Variants in NRL observed in about 807,000 individuals in gnomAD.
NRL encodes the protein neural retina leucine zipper, also known as neural retina-specific leucine zipper protein.
A neutral mutation model predicts 12.5 loss-of-function variants in NRL; 16 were observed. The ratio of observed to expected loss-of-function variants is 1.28; its 90% confidence interval spans 0.87 to 1.95. NRL has a LOEUF of 1.95. Ranked by LOEUF, NRL falls within the 30% of genes most tolerant of loss-of-function variation. NRL has a pLI of 0.00. For missense variants in NRL, 314 were observed against 325.8 expected (o/e 0.96, Z 0.28); for synonymous variants, 142 against 150.9 (o/e 0.94, Z 0.43).
chr14:24,102,293 G>A (rs966870386), intron 1 of NRL, among the ~76,000 whole-genome samples: 6 of 152,174 alleles, frequency 3.9e-5, no homozygotes, highest in Non-Finnish European at 7.3e-5. Flanking sequence ...TGTCTTCCCC[G>A]GTTTGCTGAC....
intron 1 of NRL, among the ~76,000 whole-genome samples, chr14:24,106,432 T>C (rs2037339663): frequency 6.6e-6 from 1 of 152,156 alleles, no homozygotes; most frequent in African/African-American, 2.4e-5. Flanking sequence ...CAGTGGAGTA[T>C]ATTGTACTTT....
chr14:24,098,731 G>T (rs950736644), intron 1 of NRL: 1 of 1,488,072 alleles, frequency 6.7e-7, no homozygotes, highest in Non-Finnish European at 9.3e-7. Context: ...TGTACTCAGA[G>T]GAAATCCCAA....
chr14:24,102,955 C>T (rs2037225148), intron 1 of NRL: 2 of 1,495,160 alleles, frequency 1.3e-6, no homozygotes, highest in Non-Finnish European at 1.8e-6. Context: ...GCCTACCTCC[C>T]TCCCTCTGAT....
intron 1 of NRL, among the ~76,000 whole-genome samples, chr14:24,101,346 G>A (rs1382648834): frequency 6.6e-6 from 1 of 152,204 alleles, no homozygotes; most frequent in African/African-American, 2.4e-5. Flanking sequence ...GGATGGGAGA[G>A]GGTGGGGATT....
intron 1 of NRL, among the ~76,000 whole-genome samples, chr14:24,092,767 T>C (rs1367450430): frequency 6.6e-6 from 1 of 152,192 alleles, no homozygotes; most frequent in African/African-American, 2.4e-5. Flanking sequence ...ACTGTTTCTG[T>C]TGCAAGTGGC....
At chr14:24,089,059 C>T (rs562844669) in intron 1 of NRL, among the ~76,000 whole-genome samples, 125 of 152,162 alleles carry the variant, frequency 8.2e-4, no homozygotes, top group Non-Finnish European at 1.3e-3. Context: ...CCGCCTCGGC[C>T]TCCCAAAGTG....
chr14:24,091,568 A>G (rs576660069), intron 1 of NRL, among the ~76,000 whole-genome samples: 1 of 152,298 alleles, frequency 6.6e-6, no homozygotes, highest in South Asian at 2.1e-4. Context: ...TAAGAGTGAT[A>G]TGATCTAATT....
At position 24,081,906 on chromosome 14, in the gene NRL, A is replaced by T; in HGVS notation, c.382-338T>A. 1 of 1,302,418 alleles carries T rather than the reference A, an allele frequency of 7.7e-7. No homozygotes were observed. The highest frequency in any genetic ancestry group is 9.8e-7 in the Non-Finnish European group (1 of 1,016,958). 80.7% of individuals were successfully genotyped at this position (1,302,418 alleles called of 1,614,324 possible). On this transcript the variant is annotated intron_variant, in intron 2 of 2. Coordinates refer to ENST00000561028, the MANE Select transcript of NRL (RefSeq NM_001354768.3). The surrounding 1 kb of genome is among the most constrained non-coding windows in gnomAD (Gnocchi z 4.4). ...GCCCGGGTGTGTCCAGTGGACCCGC[A>T]CCCAGACAGCCCCCAACCCTCCAAC...
chr14:24,103,211 GCAGCGCCATGCGCTCT>G (rs752617436), intron 1 of NRL: 2 of 1,614,128 alleles, frequency 1.2e-6, no homozygotes, highest in East Asian at 4.5e-5. Flanking sequence ...GTGTTTGTGG[GCAGCGCCATGCGCTCT>G]GAGTCCACTG....
intron 1 of NRL, chr14:24,098,824 G>A (rs1441422735): frequency 7.9e-6 from 6 of 759,950 alleles, no homozygotes; most frequent in Non-Finnish European, 1.3e-5. Flanking sequence ...CCCAGCAGAG[G>A]GATAAGGCTG....
In NRL at chr14:24,094,254, G is replaced by A. The variant is rs2036745837; in HGVS notation, c.-27-11379C>T. 1.4e-6 allele frequency: 1 copy of A among 717,182 alleles called. No homozygotes were observed. Among genetic ancestry groups the A allele is most frequent in the African/African-American group, 1.9e-5 (1 of 53,422 alleles). 44.4% of individuals were successfully genotyped at this position (717,182 alleles called of 1,614,324 possible). On this transcript the variant is annotated intron_variant, in intron 1 of 2. Coordinates refer to ENST00000561028, the MANE Select transcript of NRL (RefSeq NM_001354768.3). This position sits in a 1 kb window ranked among gnomAD's most constrained non-coding sequence, Gnocchi z 4.1. ...AGGAAAGCTAGTGCCAGCCCTACCA[G>A]GTTCCGCCCCCGCGCCTGCCCCCCT...
chr14:24,087,886 G>A (rs2036503882), intron 1 of NRL, among the ~76,000 whole-genome samples: 1 of 152,152 alleles, frequency 6.6e-6, no homozygotes, highest in South Asian at 2.1e-4. Context: ...ACACCAGCCT[G>A]GGCAACATGG....
intron 1 of NRL, among the ~76,000 whole-genome samples, chr14:24,090,699 C>G (rs1052253754): frequency 6.6e-6 from 1 of 152,232 alleles, no homozygotes. Context: ...AGATCACACT[C>G]TGCCCCCTGG....
At chr14:24,099,500 A>G in intron 1 of NRL, 1 of 1,496,734 alleles carries the variant, frequency 6.7e-7, no homozygotes, top group Non-Finnish European at 9.0e-7. Flanking sequence ...TTCCCCATGC[A>G]GACCATGCCC....
At chr14:24,084,165 C>G (rs533696959) in intron 1 of NRL, among the ~76,000 whole-genome samples, 6 of 152,352 alleles carry the variant, frequency 3.9e-5, no homozygotes, top group Admixed American at 2.0e-4. Flanking sequence ...AGACCCAGGC[C>G]TCTCTCTTCC....
intron 1 of NRL, among the ~76,000 whole-genome samples, chr14:24,086,208 C>T (rs1435572658): frequency 6.6e-6 from 1 of 151,464 alleles, no homozygotes; most frequent in African/African-American, 2.4e-5. Context: ...AGAGAGACTC[C>T]ATCTCAAAAA....
chr14:24,098,917 G>C (rs553608959), intron 1 of NRL: 11 of 765,444 alleles, frequency 1.4e-5, no homozygotes, highest in Non-Finnish European at 2.0e-5. Context: ...ATTATGAGGT[G>C]GGGGGCTTCA....
At chr14:24,096,752 C>G in intron 1 of NRL, 1 of 735,368 alleles carries the variant, frequency 1.4e-6, no homozygotes, top group Non-Finnish European at 2.4e-6. Context: ...ATCCCACACA[C>G]CAACTGCAAC....
chr14:24,081,537 A>T lies in NRL; in HGVS notation c.413T>A (p.Val138Asp). 6.2e-7 allele frequency: 1 copy of T among 1,603,944 alleles called. No homozygotes were observed. The highest frequency in any genetic ancestry group is 8.5e-7 in the Non-Finnish European group (1 of 1,176,578). The change falls in exon 3 of 3, where the codon GTC (valine) becomes GAC (aspartate). Residue 138 changes from valine (V) to aspartate (D), a missense_variant. Coordinates refer to ENST00000561028, the MANE Select transcript of NRL (RefSeq NM_001354768.3). The surrounding 1 kb of genome is among the most constrained non-coding windows in gnomAD (Gnocchi z 4.4). ...LAERFSDAALVSMSVRELNRQ... is the reference protein window; with the variant it reads ...LAERFSDAALDSMSVRELNRQ... ...GTTTAGCTCCCGCACAGACATCGAG[A>T]CCAGCGCCGCGTCGGAAAACCGCTC...
Sources: allele counts gnomAD v4.1 joint callset (sites outside exome capture counted in the v4.1 genomes callset), GRCh38; gene constraint gnomAD v4.1.1; non-coding constraint Gnocchi (gnomAD v3.1); transcripts MANE v1.5; gene names NCBI Gene and HGNC (gene_info 2026-07-23, HGNC 2026-07-21).